ATF6: variants seen among roughly 807,000 people sequenced by gnomAD.
The protein encoded by ATF6 is activating transcription factor 6.
Under a neutral mutation model 83.6 loss-of-function variants are expected in ATF6, and 53 were observed. The observed-to-expected ratio is 0.63, with a 90% CI of 0.51 to 0.80. ATF6 has a LOEUF of 0.80. Ranked by LOEUF, ATF6 falls within the 30% of genes least tolerant of loss-of-function variation. The pLI, the probability that ATF6 is intolerant of heterozygous loss-of-function variation, is 0.00. For synonymous variants in ATF6, 288 were observed against 285.8 expected, an observed-to-expected ratio of 1.01 and a Z score of -0.08; for missense variants, 744 against 797.9, an observed-to-expected ratio of 0.93 and a Z score of 0.81.
rs550239764 is a variant in ATF6 at position 161,780,316 on chromosome 1, G to A, written c.160-1596G>A. Among the ~76,000 whole-genome samples, 16 of 151,804 alleles carry A rather than the reference G, an allele frequency of 1.1e-4. 1 individual carries two copies. The East Asian group carries it at 1.7e-3, about 17-fold the overall frequency. ...TTCTAGAAATTGTTAACAAATGGTC[G>A]TTACCAATTACTAGATACATTTTTA... On this transcript the variant is annotated intron_variant, in intron 2 of 15. Transcript: ENST00000367942.
At position 161,892,754 on chromosome 1, in the gene ATF6, A is replaced by G. The variant is rs1451780248; in HGVS notation, c.1720-19542A>G. Among the ~76,000 whole-genome samples the G allele has an allele frequency of 1.5e-4, 23 of 150,526 alleles. 1 individual carries two copies. Among genetic ancestry groups the G allele is most frequent in the Admixed American group, 1.5e-3 (22 of 14,914 alleles). On this transcript the variant is annotated intron_variant, in intron 14 of 15. Coordinates refer to ENST00000367942, the MANE Select transcript of ATF6 (RefSeq NM_007348.4). The stretch of plus-strand genomic sequence containing the variant: ...CAGGTTCAAGAGATTCTCCTGCCTC[A>G]GCCTTCCTTAGTACCTGGGACTACA...
At chr1:161,920,060 C>A (rs182489223) in intron 15 of ATF6, among the ~76,000 whole-genome samples, 8 of 152,216 alleles carry the variant, frequency 5.3e-5, no homozygotes, top group Admixed American at 2.0e-4. Flanking sequence ...AGCCTGGTTT[C>A]CTAAGCAGGT....
intron 14 of ATF6, among the ~76,000 whole-genome samples, chr1:161,908,036 A>T (rs1051958046): frequency 1.3e-5 from 2 of 152,202 alleles, no homozygotes; most frequent in Non-Finnish European, 2.9e-5. Flanking sequence ...TCACACTATT[A>T]GTTTATGTAA....
rs1359009412 is a variant in ATF6 at position 161,795,510 on chromosome 1, G to A, written c.688+3183G>A. Among the ~76,000 whole-genome samples, 5 of 152,294 alleles carry A rather than the reference G, an allele frequency of 3.3e-5. No homozygotes were observed. In the East Asian group the frequency reaches 5.8e-4, roughly 18 times the overall value. On this transcript the variant is annotated intron_variant, in intron 6 of 15. Coordinates refer to ENST00000367942, the MANE Select transcript of ATF6 (RefSeq NM_007348.4). ...TTGCCCTAAGTCACACACCGATGCT[G>A]TTTCAGACAAAGTAGGCATTCAATA...
At chr1:161,878,331 T>G (rs976208467) in intron 14 of ATF6, among the ~76,000 whole-genome samples, 1 of 152,060 alleles carries the variant, frequency 6.6e-6, no homozygotes, top group African/African-American at 2.4e-5. Flanking sequence ...GCCAAGCTGG[T>G]CTTGAACTCC....
intron 9 of ATF6, among the ~76,000 whole-genome samples, chr1:161,834,842 C>T (rs749831007): frequency 6.6e-6 from 1 of 152,032 alleles, no homozygotes; most frequent in Admixed American, 6.6e-5. Context: ...GACGATGGAT[C>T]TGAAGAAATT....
At chr1:161,942,510 G>A (rs1688667387) in intron 15 of ATF6, among the ~76,000 whole-genome samples, 1 of 152,198 alleles carries the variant, frequency 6.6e-6, no homozygotes. Flanking sequence ...CCATGTTATA[G>A]ATGAAGTCTG....
At chr1:161,915,981 C>T (rs1688090706) in intron 15 of ATF6, among the ~76,000 whole-genome samples, 2 of 151,862 alleles carry the variant, frequency 1.3e-5, no homozygotes, top group South Asian at 2.1e-4. Flanking sequence ...GACTTCACAT[C>T]CTATTTCTCT....
intron 14 of ATF6, among the ~76,000 whole-genome samples, chr1:161,873,699 G>A (rs1029438568): frequency 5.9e-5 from 9 of 151,626 alleles, no homozygotes; most frequent in African/African-American, 1.9e-4. Flanking sequence ...CATAATATGG[G>A]CATCACACTG....
chr1:161,800,700 C>T (rs1685123994), intron 6 of ATF6, among the ~76,000 whole-genome samples: 1 of 152,168 alleles, frequency 6.6e-6, no homozygotes, highest in South Asian at 2.1e-4. Context: ...CATTAAAAGC[C>T]TACTGTACCC....
Position 161,846,564 on chromosome 1 carries a change from C to A in ATF6, c.1303C>A (p.Gln435Lys). The part of the protein sequence containing the change: ...EAQDTSDGII[Q>K]KNSYRYDHSV... Reference sequence around the variant, plus strand: ...ACAGGACACATCAGATGGTATTATCCAGAAAAACAGCTACAGGTAAGATGG... The same window carrying A: ...ACAGGACACATCAGATGGTATTATCAAGAAAAACAGCTACAGGTAAGATGG... The change falls in exon 10 of 16, where the codon CAG (glutamine) becomes AAG (lysine). Residue 435 changes from glutamine (Q) to lysine (K), a missense_variant. Transcript: ENST00000367942. 1 of 1,602,994 alleles carries A rather than the reference C, an allele frequency of 6.2e-7. No individual in the cohort carries two copies. Among genetic ancestry groups the A allele is most frequent in the South Asian group, 1.1e-5 (1 of 89,590 alleles).
chr1:161,783,219 A>G (rs186111429), intron 3 of ATF6, among the ~76,000 whole-genome samples: 18 of 152,238 alleles, frequency 1.2e-4, no homozygotes, highest in African/African-American at 3.6e-4. Flanking sequence ...CATTACTTCT[A>G]TCTTCTCTTG....
At chr1:161,917,731 T>C (rs1688129760) in intron 15 of ATF6, among the ~76,000 whole-genome samples, 2 of 152,298 alleles carry the variant, frequency 1.3e-5, no homozygotes, top group South Asian at 4.1e-4. Context: ...TTATACACAA[T>C]TTTTCACAAT....
intron 14 of ATF6, among the ~76,000 whole-genome samples, chr1:161,864,581 A>G (rs184783106): frequency 8.5e-5 from 13 of 152,302 alleles, no homozygotes; most frequent in Admixed American, 2.6e-4. Flanking sequence ...GATACTTGAA[A>G]ACTAGGGAGA....
chr1:161,914,647 C>T (rs144023097), intron 15 of ATF6, among the ~76,000 whole-genome samples: 269 of 152,286 alleles, frequency 1.8e-3, no homozygotes, highest in African/African-American at 6.2e-3. Flanking sequence ...GTTACTTACT[C>T]TCTTACTTTA....
rs748580731 is a variant in ATF6 at position 161,781,945 on chromosome 1, G to C, written c.193G>C (p.Asp65His). The change falls in exon 3 of 16, where the codon GAT becomes CAT. Residue 65 changes from aspartate to histidine, a missense_variant. Physicochemically the swap from Asp to His is moderately conservative, Grantham distance 81. Coordinates refer to ENST00000367942, the MANE Select transcript of ATF6 (RefSeq NM_007348.4). Reference protein sequence around the residue: ...NNFDNLDFDLDLMPWESDIWD... With the variant: ...NNFDNLDFDLHLMPWESDIWD... ...TTTTGATAATCTTGATTTTGATTTG[G>C]ATTTGATGCCTTGGGAGTCAGACAT... The C allele has an allele frequency of 1.6e-5, 26 of 1,611,038 alleles. No homozygotes were observed. Among genetic ancestry groups the C allele is most frequent in the Non-Finnish European group, 8.5e-7 (1 of 1,178,762 alleles).
intron 14 of ATF6, among the ~76,000 whole-genome samples, chr1:161,910,546 A>G (rs1008250840): frequency 1.3e-5 from 2 of 152,222 alleles, no homozygotes; most frequent in Admixed American, 6.5e-5. Flanking sequence ...TGGCATCTGT[A>G]TCTTAGCAGG....
At chr1:161,886,954 C>T (rs568946283) in intron 14 of ATF6, among the ~76,000 whole-genome samples, 3 of 152,334 alleles carry the variant, frequency 2.0e-5, no homozygotes, top group South Asian at 4.1e-4. Flanking sequence ...AGAGACATTG[C>T]AGCAAGTACC....
Position 161,853,303 on chromosome 1 carries a change from C to G in ATF6, c.1513C>G (p.Gln505Glu). The change falls in exon 12 of 16, where the codon CAG becomes GAG. Residue 505 changes from glutamine (Q) to glutamate (E), a missense_variant. Gln to Glu is a conservative substitution (Grantham distance 29). Transcript: ENST00000367942. ...GTCAAGAAGAATGACAAATAATCAACAGAAAACCCGTATTCTTCAGGTATG... is the reference window on the plus strand; with the variant it reads ...GTCAAGAAGAATGACAAATAATCAAGAGAAAACCCGTATTCTTCAGGTATG... Reference protein sequence around the residue: ...TKSRRMTNNQQKTRILQGALE... With the variant: ...TKSRRMTNNQEKTRILQGALE... 6.2e-7 allele frequency: 1 copy of G among 1,612,904 alleles called. No homozygotes were observed.
Sources: allele counts gnomAD v4.1 joint callset (sites outside exome capture counted in the v4.1 genomes callset), GRCh38; gene constraint gnomAD v4.1.1; transcripts MANE v1.5; gene names NCBI Gene and HGNC (gene_info 2026-07-23, HGNC 2026-07-21).